Variants in DCTN5 observed in about 807,000 individuals in gnomAD.
DCTN5 encodes dynactin subunit 5.
A neutral mutation model predicts 23.5 loss-of-function variants in DCTN5; 14 were observed. That is an observed-to-expected ratio of 0.60 (90% CI 0.39 to 0.93). DCTN5 has a LOEUF of 0.93. Ranked by LOEUF, DCTN5 falls within the 40% of genes least tolerant of loss-of-function variation. The pLI is 0.00. For missense variants in DCTN5, 156 were observed against 225.9 expected (o/e 0.69, Z 1.98); for synonymous variants, 67 against 79.6 (o/e 0.84, Z 0.84).
chr16:23,649,495 A>G (rs763842924), intron 2 of DCTN5, among the ~76,000 whole-genome samples: 4 of 151,898 alleles, frequency 2.6e-5, no homozygotes, highest in Admixed American at 1.3e-4. Flanking sequence ...CATTTCCCCT[A>G]TGTTTTCTTC....
At position 23,673,134 on chromosome 16, in the gene DCTN5, A is replaced by G. The variant is rs1039072703; in HGVS notation, c.*5990A>G. The G allele has an allele frequency of 4.6e-5, 7 of 151,980 alleles. No individual in the cohort carries two copies. Among genetic ancestry groups the G allele is most frequent in the Non-Finnish European group, 7.4e-5 (5 of 68,000 alleles). 9.4% of individuals were successfully genotyped at this position (151,980 alleles called of 1,614,324 possible). Reference sequence around the variant, plus strand: ...CAGAGCGAGACTCCGTCTCAAAAAAAAAAAAAAAAACCACAACAACAACAA... The same window carrying G: ...CAGAGCGAGACTCCGTCTCAAAAAAGAAAAAAAAAACCACAACAACAACAA... On this transcript the variant is annotated 3_prime_UTR_variant, in exon 6 of 6. Transcript: ENST00000300087.
Position 23,643,032 on chromosome 16 carries a change from C to G in DCTN5, c.117+9C>G, listed in dbSNP as rs751086676. On this transcript the variant is annotated intron_variant, in intron 2 of 5. Transcript: ENST00000300087. ...TCGTTCTCAATGGCAAGGTAAGGGA[C>G]AAAGCCAGCTCCAGGCTGCAAACCT... 3 of 1,613,450 alleles carry G rather than the reference C, an allele frequency of 1.9e-6. No individual in the cohort carries two copies. The highest frequency in any genetic ancestry group is 2.5e-6 in the Non-Finnish European group (3 of 1,179,356).
intron 2 of DCTN5, among the ~76,000 whole-genome samples, chr16:23,654,510 A>G (rs1266290008): frequency 6.6e-6 from 1 of 152,160 alleles, no homozygotes; most frequent in Non-Finnish European, 1.5e-5. Context: ...AATGGGTACT[A>G]GGCTTAATAC....
At position 23,676,803 on chromosome 16, in the gene DCTN5, C is replaced by G. The variant is rs1344462042; in HGVS notation, c.*9659C>G. On this transcript the variant is annotated 3_prime_UTR_variant, in exon 6 of 6. Transcript: ENST00000300087. The stretch of plus-strand genomic sequence containing the variant: ...TGAGAAAGCAGGCCTGTTTGCAAGG[C>G]TGGCCCTTGGCTGGCATCTGAAAGC... 1 of 152,244 alleles carries G rather than the reference C, an allele frequency of 6.6e-6. No homozygotes were observed. Among genetic ancestry groups the G allele is most frequent in the Admixed American group, 6.5e-5 (1 of 15,288 alleles). The allele number at this position is 152,244 out of a possible 1,614,324, so 9.4% of individuals were successfully genotyped here.
In DCTN5 at chr16:23,666,290, C is replaced by G. The variant is rs557362077; in HGVS notation, c.451+562C>G. Among the ~76,000 whole-genome samples, 3 of 152,268 alleles carry G rather than the reference C, an allele frequency of 2.0e-5. No individual in the cohort carries two copies. The South Asian group carries it at 6.2e-4, about 32-fold the overall frequency. On this transcript the variant is annotated intron_variant, in intron 5 of 5. Coordinates refer to ENST00000300087, the MANE Select transcript of DCTN5 (RefSeq NM_032486.4). The stretch of plus-strand genomic sequence containing the variant: ...TACATTCCACATGGCCCAGGAATTC[C>G]CAGACTGAAAAGTTAGCATAAACCA...
At position 23,676,150 on chromosome 16, in the gene DCTN5, G is replaced by A. The variant is rs1020419836; in HGVS notation, c.*9006G>A. On this transcript the variant is annotated 3_prime_UTR_variant, in exon 6 of 6. Coordinates refer to ENST00000300087, the MANE Select transcript of DCTN5 (RefSeq NM_032486.4). ...CATTTGGGTTAGCTTCCGCTTACTG[G>A]TCAGAGTTATACTGTGCCTGAATTG... is the stretch of plus-strand genomic sequence containing the variant. 1 of 151,556 alleles carries A rather than the reference G, an allele frequency of 6.6e-6. No individual in the cohort carries two copies. The highest frequency in any genetic ancestry group is 6.6e-5 in the Admixed American group (1 of 15,192). The allele number at this position is 151,556 out of a possible 1,614,324, so 9.4% of individuals were successfully genotyped here.
At chr16:23,642,666 T>G in intron 1 of DCTN5, 1 of 266,420 alleles carries the variant, frequency 3.8e-6, no homozygotes, top group South Asian at 6.5e-5. Context: ...AATTTTTTTT[T>G]TGTTGAGAAG....
intron 2 of DCTN5, among the ~76,000 whole-genome samples, chr16:23,657,049 T>G (rs1967717770): frequency 1.3e-5 from 2 of 152,058 alleles, no homozygotes; most frequent in South Asian, 4.1e-4. Flanking sequence ...TGTAGTCATC[T>G]AAAGGGTCAG....
chr16:23,671,084 A>G lies in DCTN5; in HGVS notation c.*3940A>G, dbSNP rs537525299. 92 of 152,312 alleles carry G rather than the reference A, an allele frequency of 6.0e-4. No homozygotes were observed. Among genetic ancestry groups the G allele is most frequent in the African/African-American group, 2.2e-3 (90 of 41,566 alleles). 9.4% of individuals were successfully genotyped at this position (152,312 alleles called of 1,614,324 possible). A position where few individuals can be genotyped will look rare whatever the true frequency, so the allele number is the denominator to read the frequency against. On this transcript the variant is annotated 3_prime_UTR_variant, in exon 6 of 6. Coordinates refer to ENST00000300087, the MANE Select transcript of DCTN5 (RefSeq NM_032486.4). ...TGAGGGGCCCATTTTGAGAGCCATC[A>G]TAGTGGTGAGGAGTGTGAGTGCTAG...
chr16:23,642,229 T>C (rs1437620789), intron 1 of DCTN5, among the ~76,000 whole-genome samples: 1 of 152,048 alleles, frequency 6.6e-6, no homozygotes, highest in Admixed American at 6.6e-5. Flanking sequence ...CACCGCACCC[T>C]GCCGATTTGG....
rs185862796 is a variant in DCTN5, at chr16:23,649,607, C to T, written c.117+6584C>T. 5.2e-3 allele frequency among the ~76,000 whole-genome samples: 797 copies of T among 152,222 alleles called. 6 individuals are homozygous for T. Among genetic ancestry groups the T allele is most frequent in the Non-Finnish European group, 7.2e-3 (489 of 68,026 alleles). On this transcript the variant is annotated intron_variant, in intron 2 of 5. Coordinates refer to ENST00000300087, the MANE Select transcript of DCTN5 (RefSeq NM_032486.4). ...CCTATAATCCCAGCTCTTCGAGAGG[C>T]CAAGGCGGGCGGATCACTTGAGGGC...
chr16:23,649,203 G>T (rs1385294944), intron 2 of DCTN5, among the ~76,000 whole-genome samples: 1 of 152,028 alleles, frequency 6.6e-6, no homozygotes, highest in East Asian at 1.9e-4. Context: ...TATATTTGTT[G>T]GCCATTAGTA....
chr16:23,647,185 T>G (rs1967484904), intron 2 of DCTN5, among the ~76,000 whole-genome samples: 1 of 150,092 alleles, frequency 6.7e-6, no homozygotes, highest in Non-Finnish European at 1.5e-5. Flanking sequence ...CAGGCTGGAG[T>G]GCAGTGGCAC....
In DCTN5 at chr16:23,660,923, A is replaced by T. The variant is rs2140984696; in HGVS notation, c.237-247A>T. On this transcript the variant is annotated intron_variant, in intron 3 of 5. Coordinates refer to ENST00000300087, the MANE Select transcript of DCTN5 (RefSeq NM_032486.4). The stretch of plus-strand genomic sequence containing the variant: ...TTTGGTACCTGCTCTTTTAGCTTTG[A>T]AGATCTTGCCCCTCCTGCCTTGGTT... Among the ~76,000 whole-genome samples the T allele has an allele frequency of 2.0e-5, 3 of 152,326 alleles. No homozygotes were observed. In the East Asian group the frequency reaches 5.8e-4, roughly 29 times the overall value.
At chr16:23,642,873 A>G in intron 1 of DCTN5, 82 bp from the exon 2 acceptor site, 1 of 1,261,476 alleles carries the variant, frequency 7.9e-7, no homozygotes, top group Non-Finnish European at 1.2e-6. Flanking sequence ...TTTTCTCTCA[A>G]ATGGGAGCTT....
In DCTN5 at chr16:23,671,238, G is replaced by GA. The variant is rs1968001272; in HGVS notation, c.*4097dup. 1 of 152,146 alleles carries GA rather than the reference G, an allele frequency of 6.6e-6. No individual in the cohort carries two copies. 9.4% of individuals were successfully genotyped at this position (152,146 alleles called of 1,614,324 possible). ...AGTTGGATAGGGTATTATGATGATT[G>GA]AAATGCATTTATACATGTAAAGCAT... On this transcript the variant is annotated 3_prime_UTR_variant, in exon 6 of 6. Coordinates refer to ENST00000300087, the MANE Select transcript of DCTN5 (RefSeq NM_032486.4).
intron 2 of DCTN5, among the ~76,000 whole-genome samples, chr16:23,655,578 C>T (rs1967687997): frequency 6.6e-6 from 1 of 150,644 alleles, no homozygotes; most frequent in African/African-American, 2.4e-5. Flanking sequence ...CAGTCTTGCT[C>T]TGTCACCCAG....
chr16:23,666,964 G>A (rs1967918370), intron 5 of DCTN5, 83 bp from the exon 6 acceptor site: 1 of 1,579,818 alleles, frequency 6.3e-7, no homozygotes. Context: ...ATCTGATTGA[G>A]GTGAGAAGGA....
rs1221210095 is a variant in DCTN5, at chr16:23,674,112, C to T, written c.*6968C>T. The T allele has an allele frequency of 6.6e-6, 1 of 152,198 alleles. No individual in the cohort carries two copies. Among genetic ancestry groups the T allele is most frequent in the African/African-American group, 2.4e-5 (1 of 41,438 alleles). The allele number at this position is 152,198 out of a possible 1,614,324, so 9.4% of individuals were successfully genotyped here. ...AGATCCTAATTGCCTGGCCCTGACTCTAAGCTGAAACCTGCTACTGTCTGC... is the reference window on the plus strand; with the variant it reads ...AGATCCTAATTGCCTGGCCCTGACTTTAAGCTGAAACCTGCTACTGTCTGC... On this transcript the variant is annotated 3_prime_UTR_variant, in exon 6 of 6. Transcript: ENST00000300087.
Sources: allele counts gnomAD v4.1 joint callset (sites outside exome capture counted in the v4.1 genomes callset), GRCh38; gene constraint gnomAD v4.1.1; transcripts MANE v1.5; gene names NCBI Gene and HGNC (gene_info 2026-07-23, HGNC 2026-07-21).